Variants in NPIPB9 observed in about 807,000 individuals in gnomAD.
The protein encoded by NPIPB9 is nuclear pore complex interacting protein family member B9.
A neutral mutation model predicts 5.6 loss-of-function variants in NPIPB9; 1 was observed. The ratio of observed to expected loss-of-function variants is 0.18; its 90% CI spans 0.06 to 0.84. The LOEUF (loss-of-function observed/expected upper bound fraction) is 0.84, where lower values mean the gene tolerates loss of function less well. NPIPB9 is among the 40% of genes least tolerant of loss of function. The probability of loss-of-function intolerance (pLI) is 0.70; values close to 1 mark genes in which losing one functional copy is unlikely to be tolerated. For missense variants in NPIPB9, 3 were observed against 39.1 expected (o/e 0.08, Z 2.46); for synonymous variants, 2 against 12.5 (o/e 0.16, Z 1.77).
chr16:28,756,363 C>T (rs1318448306), intron 1 of NPIPB9, among the ~76,000 whole-genome samples: 1 of 112,288 alleles, frequency 8.9e-6, no homozygotes, highest in African/African-American at 2.9e-5. Context: ...TGCCACCATG[C>T]CTGGCTAATT....
At chr16:28,765,502 G>C (rs1335826173) in intron 3 of NPIPB9, among the ~76,000 whole-genome samples, 1 of 28,936 alleles carries the variant, frequency 3.5e-5, no homozygotes, top group Non-Finnish European at 6.6e-5. Flanking sequence ...ACCTTTTCCT[G>C]CTGGGTTCAA....
At chr16:28,758,600 C>T (rs1596761232) in intron 2 of NPIPB9, 1 of 288,842 alleles carries the variant, frequency 3.5e-6, no homozygotes, top group African/African-American at 5.9e-5. Flanking sequence ...TGCCCCTCCC[C>T]AACTCAGATC....
At chr16:28,766,954 G>A (rs2049237712) in intron 5 of NPIPB9, among the ~76,000 whole-genome samples, 1 of 84,924 alleles carries the variant, frequency 1.2e-5, no homozygotes, top group Non-Finnish European at 2.4e-5. Context: ...TCGAACTTCT[G>A]ACCTCAGGTA....
intron 5 of NPIPB9, among the ~76,000 whole-genome samples, chr16:28,770,037 G>A (rs1239142516): frequency 7.7e-6 from 1 of 129,980 alleles, no homozygotes; most frequent in Admixed American, 8.0e-5. Context: ...TGAGAATGGG[G>A]AAGGAAACTA....
chr16:28,765,187 T>C (rs1354910670), intron 3 of NPIPB9, among the ~76,000 whole-genome samples: 1 of 21,476 alleles, frequency 4.7e-5, no homozygotes, highest in East Asian at 1.4e-3. Flanking sequence ...CACTGCAACC[T>C]CTGCCTCCTG....
In NPIPB9 at chr16:28,765,776, A is replaced by T. The variant is rs919231982; in HGVS notation, c.295-306A>T. On this transcript the variant is annotated intron_variant, in intron 3 of 7. Transcript: ENST00000550983. ...GTGTGTGTGTGTGTGTGTGTGTGTGACAGAGTCTCATTCTGTCGCTCAGGC... is the reference window on the plus strand; with the variant it reads ...GTGTGTGTGTGTGTGTGTGTGTGTGTCAGAGTCTCATTCTGTCGCTCAGGC... Among the ~76,000 whole-genome samples, 32 of 94,646 alleles carry T rather than the reference A, an allele frequency of 3.4e-4. No homozygotes were observed. The East Asian group carries it at 7.4e-3, about 22-fold the overall frequency. The allele number at this position is 94,646 out of a possible 152,430, so 62.1% of individuals were successfully genotyped here.
intron 5 of NPIPB9, among the ~76,000 whole-genome samples, chr16:28,769,735 CT>C (rs1052903698): frequency 1.3e-5 from 2 of 148,326 alleles, no homozygotes; most frequent in Non-Finnish European, 3.0e-5. Flanking sequence ...AACAAAGTAC[CT>C]TAATATTTAC....
intron 3 of NPIPB9, among the ~76,000 whole-genome samples, chr16:28,765,488 C>T (rs2049145595): frequency 2.9e-5 from 1 of 34,904 alleles, no homozygotes; most frequent in Non-Finnish European, 5.6e-5. Flanking sequence ...CTCAGCTCAC[C>T]ACAACCTTTT....
chr16:28,758,245 T>G (rs3959280), intron 2 of NPIPB9, among the ~76,000 whole-genome samples: 3 of 95,382 alleles, frequency 3.1e-5, no homozygotes, highest in Non-Finnish European at 4.7e-5. Context: ...AAGCCCCAGG[T>G]TTGCTAAGGG....
At chr16:28,758,656 C>T in intron 2 of NPIPB9, 1 of 425,682 alleles carries the variant, frequency 2.3e-6, no homozygotes, top group Non-Finnish European at 3.9e-6. Context: ...CCTAAGCCAC[C>T]TCCACCTCTG....
rs1430130042 is a variant in NPIPB9 at position 28,766,098 on chromosome 16, C to CT, written c.312dup (p.Ile105TyrfsTer9). 1 of 314,052 alleles carries CT rather than the reference C, an allele frequency of 3.2e-6. No individual in the cohort carries two copies. The highest frequency in any genetic ancestry group is 4.2e-5 in the African/African-American group (1 of 23,948). 19.5% of individuals were successfully genotyped at this position (314,052 alleles called of 1,614,324 possible). On this transcript the variant is annotated frameshift_variant, in exon 4 of 8. Transcript: ENST00000550983. LOFTEE classifies it high-confidence loss of function. ...ATTTCCTAGGTGTCTTTCCTGAAGA[C>CT]TATCTTCTGGTCTCGAAATGGACAT...
chr16:28,765,403 ATTTTTTT>A (rs1206825669), intron 3 of NPIPB9, among the ~76,000 whole-genome samples: 1 of 34,240 alleles, frequency 2.9e-5, no homozygotes, highest in Non-Finnish European at 5.0e-5. Context: ...CACCTGGGCT[ATTTTTTT>A]TTTTTTTTTT....
At chr16:28,766,759 A>G (rs1596783840) in intron 5 of NPIPB9, among the ~76,000 whole-genome samples, 4 of 110,600 alleles carry the variant, frequency 3.6e-5, no homozygotes, top group East Asian at 2.6e-4. Flanking sequence ...CCTGAGATGG[A>G]GCTTTGCTGT....
chr16:28,765,764 T>C (rs1337833743), intron 3 of NPIPB9, among the ~76,000 whole-genome samples: 114 of 103,562 alleles, frequency 1.1e-3, no homozygotes, highest in Middle Eastern at 5.4e-3. Flanking sequence ...TGTGTGTGTG[T>C]GTGTGTGTGT....
intron 3 of NPIPB9, among the ~76,000 whole-genome samples, chr16:28,765,063 G>A (rs1264872421): frequency 5.3e-5 from 2 of 37,498 alleles, no homozygotes; most frequent in Non-Finnish European, 1.0e-4. Flanking sequence ...TAACCGTGTT[G>A]AAGTGTACAG....
At chr16:28,756,264 G>C (rs538217817) in intron 1 of NPIPB9, among the ~76,000 whole-genome samples, 5,638 of 131,390 alleles carry the variant, frequency 0.043, 184 homozygotes, top group African/African-American at 0.14. Context: ...GAGTGCAATG[G>C]TACGATCTCG....
At chr16:28,753,523 C>CAG in intron 1 of NPIPB9, among the ~76,000 whole-genome samples, 1 of 66,592 alleles carries the variant, frequency 1.5e-5, no homozygotes, top group Non-Finnish European at 3.0e-5. Context: ...CACACACACA[C>CAG]ACATACATAC....
At chr16:28,760,418 C>T (rs1301080517) in intron 2 of NPIPB9, among the ~76,000 whole-genome samples, 35 of 20,572 alleles carry the variant, frequency 1.7e-3, no homozygotes, top group African/African-American at 4.6e-3. Context: ...CTCTGCCTCC[C>T]GGGTTCAAGT....
chr16:28,767,350 C>G (rs2049267024), intron 5 of NPIPB9, among the ~76,000 whole-genome samples: 1 of 96,052 alleles, frequency 1.0e-5, no homozygotes, highest in South Asian at 3.0e-4. Flanking sequence ...CATATGCCAC[C>G]ATGCCCGGAT....
Sources: gnomAD v4.1 joint callset for allele counts (sites outside exome capture counted in the v4.1 genomes callset) on GRCh38, gnomAD v4.1.1 for gene constraint, MANE v1.5 for transcripts, NCBI Gene and HGNC (gene_info 2026-07-23, HGNC 2026-07-21) for gene names.